Variants in H2BC18 observed in about 807,000 individuals in gnomAD.
H2BC18 encodes the protein H2B clustered histone 18, also known as histone H2B type 2-F.
In H2BC18, 8 loss-of-function variants were observed where a neutral mutation model predicts 6.3. The observed-to-expected ratio is 1.28, with a 90% CI of 0.75 to 2.31. The LOEUF is 2.31. Ranked by LOEUF, H2BC18 falls within the 30% of genes most tolerant of loss-of-function variation. The pLI, the probability that H2BC18 is intolerant of heterozygous loss-of-function variation, is 0.00. For synonymous variants in H2BC18, 104 were observed against 78.1 expected (o/e 1.33, Z -1.75); for missense variants, 106 against 174.5 (o/e 0.61, Z 2.21).
intron 1 of H2BC18, chr1:149,787,262 A>G (rs1255280299): frequency 6.6e-6 from 1 of 152,242 alleles, no homozygotes; most frequent in African/African-American, 2.4e-5. Context: ...CCATTCTTAG[A>G]TAAGTTCTGG....
intron 1 of H2BC18, chr1:149,803,679 C>A (rs1475356369): frequency 6.6e-6 from 1 of 152,242 alleles, no homozygotes; most frequent in Non-Finnish European, 1.5e-5. Context: ...TTCTACTTTG[C>A]TGTTTCTGGC....
At chr1:149,802,335 T>C (rs1158375907) in intron 1 of H2BC18, among the ~76,000 whole-genome samples, 1 of 152,128 alleles carries the variant, frequency 6.6e-6, no homozygotes, top group African/African-American at 2.4e-5. Flanking sequence ...ACTAATCCTA[T>C]GGCTAATATA....
chr1:149,793,951 G>A (rs1363197296), intron 1 of H2BC18: 2 of 1,207,108 alleles, frequency 1.7e-6, no homozygotes, highest in African/African-American at 3.1e-5. Context: ...TTCCTAGGAG[G>A]GCCAAGGATT....
chr1:149,796,295 A>G (rs1430358021), intron 1 of H2BC18, among the ~76,000 whole-genome samples: 8 of 152,198 alleles, frequency 5.3e-5, no homozygotes, highest in Admixed American at 5.2e-4. Context: ...ATAATATGGG[A>G]GTTAATGGAG....
At chr1:149,790,734 A>C (rs1472276729) in intron 1 of H2BC18, among the ~76,000 whole-genome samples, 1 of 148,086 alleles carries the variant, frequency 6.8e-6, no homozygotes, top group Non-Finnish European at 1.5e-5. Context: ...CAATTTATCA[A>C]GTTCTTCCTA....
At chr1:149,795,257 A>AATAT (rs1303339326) in intron 1 of H2BC18, among the ~76,000 whole-genome samples, 1 of 105,266 alleles carries the variant, frequency 9.5e-6, no homozygotes, top group East Asian at 2.3e-4. Context: ...CTCAAAAATA[A>AATAT]ATAAATAAAT....
downstream of H2BC18, among the ~76,000 whole-genome samples, chr1:149,808,552 A>T (rs3124002): frequency 6.6e-6 from 1 of 151,976 alleles, no homozygotes; most frequent in Non-Finnish European, 1.5e-5. Flanking sequence ...TTAACATAAA[A>T]AATTATTAAA....
intron 1 of H2BC18, among the ~76,000 whole-genome samples, chr1:149,789,350 G>A (rs587712979): frequency 1.2e-3 from 180 of 152,068 alleles, no homozygotes; most frequent in African/African-American, 4.1e-3. Context: ...CTGAGATAGC[G>A]CCACTGCACT....
chr1:149,792,365 A>T (rs1553752051), intron 1 of H2BC18: 1 of 286,542 alleles, frequency 3.5e-6, no homozygotes, highest in African/African-American at 2.4e-5. Flanking sequence ...TCTGGTTACT[A>T]ATTAGCTTCA....
intron 1 of H2BC18, among the ~76,000 whole-genome samples, chr1:149,796,995 C>T (rs1347400076): frequency 1.3e-5 from 2 of 152,232 alleles, no homozygotes; most frequent in Admixed American, 6.5e-5. Context: ...TAACTGCAAC[C>T]TCCATCTCCC....
chr1:149,794,113 A>C (rs2091772157), intron 1 of H2BC18: 1 of 462,922 alleles, frequency 2.2e-6, no homozygotes, highest in Admixed American at 2.4e-5. Flanking sequence ...AGTAGAAGCA[A>C]AGAGACCAGT....
chr1:149,797,321 G>C (rs1344206745), intron 1 of H2BC18, among the ~76,000 whole-genome samples: 1 of 151,074 alleles, frequency 6.6e-6, no homozygotes, highest in Non-Finnish European at 1.5e-5. Context: ...GCTCAACTTT[G>C]GTAATTTGTA....
chr1:149,792,920 G>T, intron 1 of H2BC18: 1 of 1,268,836 alleles, frequency 7.9e-7, no homozygotes, highest in South Asian at 1.3e-5. Flanking sequence ...TTGTTTCCTC[G>T]GGGCCGGCAG....
chr1:149,812,334 A>G lies in H2BC18; in HGVS notation c.-11T>C, dbSNP rs1358502285. The G allele has an allele frequency of 6.2e-6, 10 of 1,613,980 alleles. No individual in the cohort carries two copies. The highest frequency in any genetic ancestry group is 2.7e-5 in the African/African-American group (2 of 74,898). Reference sequence around the variant, plus strand: ...CGCTGGATCCGGCATTTTTGCGCGAAAAAAGAGAAAAGAGACTTAAAGAAG... The same window carrying G: ...CGCTGGATCCGGCATTTTTGCGCGAGAAAAGAGAAAAGAGACTTAAAGAAG... On this transcript the variant is annotated 5_prime_UTR_variant, in exon 1 of 1. Transcript: ENST00000369167.
downstream of H2BC18, among the ~76,000 whole-genome samples, chr1:149,807,825 G>A (rs12042235): frequency 7.8e-4 from 115 of 147,406 alleles, no homozygotes; most frequent in Non-Finnish European, 3.4e-4. Context: ...GAAAGAAAGA[G>A]AGAGAGAGAG....
chr1:149,803,378 G>A (rs1553753559), intron 1 of H2BC18, among the ~76,000 whole-genome samples: 1 of 152,094 alleles, frequency 6.6e-6, no homozygotes, highest in African/African-American at 2.4e-5. Flanking sequence ...CTACCCTCTG[G>A]TAATTTGCAG....
rs1553750500 is a variant in H2BC18 at position 149,784,070 on chromosome 1, C to T, written c.378-810G>A. ...GCGTGTTCCAAGAGGAAACCGTAAC[C>T]TTGCACTGTGAGGTGCTCCATCTGC... is the stretch of plus-strand genomic sequence containing the variant. On this transcript the variant is annotated intron_variant, in intron 1 of 1. Transcript: ENST00000545683. 3 of 1,611,212 alleles carry T rather than the reference C, an allele frequency of 1.9e-6. No individual in the cohort carries two copies. The South Asian group carries it at 3.3e-5, about 18-fold the overall frequency.
chr1:149,811,588 G>A (rs1354818933), downstream of H2BC18: 5 of 268,150 alleles, frequency 1.9e-5, no homozygotes, highest in Admixed American at 2.0e-4. Flanking sequence ...AAAGGAAAAC[G>A]ACTTTAAAGA....
At chr1:149,789,610 G>C (rs1453868890) in intron 1 of H2BC18, among the ~76,000 whole-genome samples, 1 of 152,258 alleles carries the variant, frequency 6.6e-6, no homozygotes, top group South Asian at 2.1e-4. Context: ...AGCAGGAGGT[G>C]AGCTTCTTCA....
Sources: gnomAD v4.1 joint callset for allele counts (sites outside exome capture counted in the v4.1 genomes callset) on GRCh38, gnomAD v4.1.1 for gene constraint, MANE v1.5 for transcripts, NCBI Gene and HGNC (gene_info 2026-07-23, HGNC 2026-07-21) for gene names.